ELAVL2: variants seen among roughly 807,000 people sequenced by gnomAD.
ELAVL2 encodes the protein ELAV like RNA binding protein 2.
In ELAVL2, 4 loss-of-function variants were observed where a neutral mutation model predicts 34.6. That is an observed-to-expected ratio of 0.12 (90% CI 0.06 to 0.26). ELAVL2 has a LOEUF of 0.26. Among genes scored for constraint, ELAVL2 ranks in the 10% least tolerant of loss-of-function variants. The pLI, the probability that ELAVL2 is intolerant of heterozygous loss-of-function variation, is 1.00. For synonymous variants in ELAVL2, 193 were observed against 154.8 expected (o/e 1.25, Z -1.83); for missense variants, 432 against 442.8 (o/e 0.98, Z 0.22).
At chr9:23,805,666 A>T (rs1345839532) in intron 1 of ELAVL2, among the ~76,000 whole-genome samples, 1 of 152,168 alleles carries the variant, frequency 6.6e-6, no homozygotes, top group East Asian at 1.9e-4. Context: ...CCATGATTAG[A>T]GCATCTACCT....
chr9:23,746,590 A>G (rs1463000845), intron 2 of ELAVL2, among the ~76,000 whole-genome samples: 1 of 152,098 alleles, frequency 6.6e-6, no homozygotes, highest in Non-Finnish European at 1.5e-5. Context: ...GTCCTGAGAT[A>G]AAATGCCTAA....
At chr9:23,713,631 G>A (rs542371919) in intron 3 of ELAVL2, among the ~76,000 whole-genome samples, 1 of 152,254 alleles carries the variant, frequency 6.6e-6, no homozygotes, top group Admixed American at 6.5e-5. Flanking sequence ...TTTAACTTCA[G>A]AAATGAGCCT....
At chr9:23,703,037 C>A (rs1344010530) in intron 4 of ELAVL2, among the ~76,000 whole-genome samples, 1 of 138,974 alleles carries the variant, frequency 7.2e-6, no homozygotes, top group East Asian at 2.5e-4. Flanking sequence ...TTAAGCATAC[C>A]TAAGAACAAC....
In ELAVL2 at chr9:23,817,155, T is replaced by G. The variant is rs369940507; in HGVS notation, c.-16+8651A>C. On this transcript the variant is annotated intron_variant, in intron 1 of 6. Transcript: ENST00000397312. ...TAAAAGTGGGAAAGGGGATTTTGCA[T>G]GTCAGACCTTATCTCCTATTCATTT... Among the ~76,000 whole-genome samples the G allele has an allele frequency of 3.9e-5, 6 of 152,290 alleles. 1 individual carries two copies. The South Asian group carries it at 6.2e-4, about 16-fold the overall frequency.
At chr9:23,714,505 C>T (rs893542459) in intron 3 of ELAVL2, among the ~76,000 whole-genome samples, 1 of 152,128 alleles carries the variant, frequency 6.6e-6, no homozygotes, top group Non-Finnish European at 1.5e-5. Flanking sequence ...ATACAGAGAG[C>T]AAACATTCAA....
chr9:23,735,708 G>T (rs754029267), intron 2 of ELAVL2: 6 of 152,212 alleles, frequency 3.9e-5, no homozygotes, highest in Non-Finnish European at 7.3e-5. Flanking sequence ...CCACAGAAAA[G>T]AAACCCTTCT....
At chr9:23,760,014 G>A (rs2054587462) in intron 2 of ELAVL2, among the ~76,000 whole-genome samples, 1 of 151,458 alleles carries the variant, frequency 6.6e-6, no homozygotes, top group Non-Finnish European at 1.5e-5. Context: ...TTAGTATCTA[G>A]GTATGTATTA....
chr9:23,802,173 G>T (rs895393888), intron 1 of ELAVL2, among the ~76,000 whole-genome samples: 3 of 152,152 alleles, frequency 2.0e-5, no homozygotes, highest in African/African-American at 7.2e-5. Flanking sequence ...TGGAGCAGGT[G>T]AACTACTCCG....
At chr9:23,736,392 C>T (rs1246794979) in intron 2 of ELAVL2, among the ~76,000 whole-genome samples, 1 of 151,990 alleles carries the variant, frequency 6.6e-6, no homozygotes, top group Non-Finnish European at 1.5e-5. Context: ...AGATCTTTCT[C>T]ATAAAGCCTA....
intron 1 of ELAVL2, among the ~76,000 whole-genome samples, chr9:23,813,914 T>C (rs1409820877): frequency 6.6e-6 from 1 of 152,174 alleles, no homozygotes; most frequent in African/African-American, 2.4e-5. Context: ...CTTTAGGAAG[T>C]ATAGCATTAG....
At chr9:23,710,789 A>C (rs951753697) in intron 3 of ELAVL2, among the ~76,000 whole-genome samples, 1 of 152,158 alleles carries the variant, frequency 6.6e-6, no homozygotes, top group Non-Finnish European at 1.5e-5. Context: ...TAACTCAATA[A>C]AAGTTAGCTC....
At chr9:23,767,368 A>C (rs2056493092) in intron 1 of ELAVL2, among the ~76,000 whole-genome samples, 1 of 152,230 alleles carries the variant, frequency 6.6e-6, no homozygotes, top group Non-Finnish European at 1.5e-5. Flanking sequence ...CACATGAGAG[A>C]AAAGCAGTCT....
intron 1 of ELAVL2, among the ~76,000 whole-genome samples, chr9:23,805,430 C>A (rs553782712): frequency 2.4e-4 from 37 of 152,266 alleles, no homozygotes; most frequent in African/African-American, 8.7e-4. Flanking sequence ...TGATAAACTG[C>A]CAACATACCC....
intron 1 of ELAVL2, chr9:23,779,510 C>T: frequency 1.7e-6 from 1 of 594,842 alleles, no homozygotes; most frequent in Non-Finnish European, 2.1e-6. Context: ...CTAATGCATT[C>T]TTCCCTGCCT....
At chr9:23,809,063 G>A (rs987109405) in intron 1 of ELAVL2, among the ~76,000 whole-genome samples, 3 of 152,176 alleles carry the variant, frequency 2.0e-5, no homozygotes, top group Admixed American at 6.6e-5. Flanking sequence ...ATGCTATTGA[G>A]CTTTCACCCT....
chr9:23,761,387 AAAAATACT>A (rs1408553917), intron 2 of ELAVL2, among the ~76,000 whole-genome samples: 3 of 152,034 alleles, frequency 2.0e-5, no homozygotes, highest in Non-Finnish European at 4.4e-5. Context: ...TCAAATCTTA[AAAAATACT>A]AAGGAGATTT....
chr9:23,783,461 A>G (rs768153239), intron 1 of ELAVL2: 20 of 985,336 alleles, frequency 2.0e-5, no homozygotes, highest in Non-Finnish European at 1.9e-5. Context: ...CAAAGTGGCC[A>G]TGCACTAACC....
intron 2 of ELAVL2, chr9:23,735,384 T>TC (rs1481598954): frequency 6.6e-6 from 1 of 152,198 alleles, no homozygotes; most frequent in Non-Finnish European, 1.5e-5. Flanking sequence ...TTCAAGCGAT[T>TC]CTTCTGCCTC....
intron 5 of ELAVL2, among the ~76,000 whole-genome samples, chr9:23,697,177 C>A (rs1047734310): frequency 2.0e-5 from 3 of 151,924 alleles, no homozygotes; most frequent in African/African-American, 7.2e-5. Flanking sequence ...AAATGACCTC[C>A]ATTTAAAGAA....
Sources: gnomAD v4.1 joint callset for allele counts (sites outside exome capture counted in the v4.1 genomes callset) on GRCh38, gnomAD v4.1.1 for gene constraint, MANE v1.5 for transcripts, NCBI Gene and HGNC (gene_info 2026-07-23, HGNC 2026-07-21) for gene names.